TPD52L2: variants seen among roughly 807,000 people sequenced by gnomAD.
TPD52L2 encodes the protein tumor protein D54.
Under a neutral mutation model 24.7 loss-of-function variants are expected in TPD52L2, and 19 were observed. The observed-to-expected ratio is 0.77, with a 90% confidence interval of 0.54 to 1.13. The LOEUF (loss-of-function observed/expected upper bound fraction) is 1.13. Among genes scored for constraint, TPD52L2 ranks in the 50% most tolerant of loss-of-function variants. The probability of loss-of-function intolerance (pLI) is 0.00; values close to 1 mark genes in which losing one functional copy is unlikely to be tolerated. For missense variants in TPD52L2, 236 were observed against 250.4 expected, an observed-to-expected ratio of 0.94 and a Z score of 0.39; for synonymous variants, 104 against 100.2, an observed-to-expected ratio of 1.04 and a Z score of -0.23.
intron 4 of TPD52L2, 100 bp downstream of exon 4, chr20:63,875,975 TG>T: frequency 8.5e-7 from 1 of 1,179,642 alleles, no homozygotes; most frequent in Non-Finnish European, 1.2e-6. Context: ...AAGCTTGTTT[TG>T]GTATTTGCTG....
chr20:63,874,144 C>CG, intron 3 of TPD52L2, among the ~76,000 whole-genome samples: 1 of 150,828 alleles, frequency 6.6e-6, no homozygotes, highest in Non-Finnish European at 1.5e-5. Flanking sequence ...CTCTGCCCCC[C>CG]GGGTTCAAGC....
At position 63,890,098 on chromosome 20, in the gene TPD52L2, G is replaced by A. The variant is rs1008895669; in HGVS notation, c.*153G>A. The A allele has an allele frequency of 4.0e-5, 59 of 1,479,700 alleles. No homozygotes were observed. The highest frequency in any genetic ancestry group is 1.3e-4 in the African/African-American group (9 of 71,710). 91.7% of individuals were successfully genotyped at this position (1,479,700 alleles called of 1,614,324 possible). ...ATCCACGCGGAGATGTGGCTGCCGCGTTTGCATGAATTTGAAGAACACAGG... is the reference window on the plus strand; with the variant it reads ...ATCCACGCGGAGATGTGGCTGCCGCATTTGCATGAATTTGAAGAACACAGG... On this transcript the variant is annotated 3_prime_UTR_variant, in exon 7 of 7. Transcript: ENST00000346249.
intron 6 of TPD52L2, 112 bp from the exon 7 acceptor site, chr20:63,889,738 C>T (rs2053263511): frequency 1.0e-6 from 1 of 1,000,882 alleles, no homozygotes; most frequent in African/African-American, 1.6e-5. Context: ...CCCTGCTGAG[C>T]AGTGTTCGTG....
chr20:63,886,207 C>A (rs1047327667), intron 5 of TPD52L2, among the ~76,000 whole-genome samples: 1 of 152,180 alleles, frequency 6.6e-6, no homozygotes, highest in African/African-American at 2.4e-5. Context: ...TCTCAGGGAA[C>A]AAAGCAGCAG....
At chr20:63,882,005 G>T (rs891010729) in intron 4 of TPD52L2, among the ~76,000 whole-genome samples, 6 of 152,196 alleles carry the variant, frequency 3.9e-5, no homozygotes, top group African/African-American at 1.4e-4. Flanking sequence ...GACACTGGAG[G>T]GAGCTGGAGG....
At chr20:63,869,068 G>A (rs1257691799) in intron 1 of TPD52L2, among the ~76,000 whole-genome samples, 13 of 152,178 alleles carry the variant, frequency 8.5e-5, no homozygotes, top group African/African-American at 2.2e-4. Context: ...GGCATTTGTC[G>A]TGCCCTGAAG....
intron 5 of TPD52L2, among the ~76,000 whole-genome samples, chr20:63,886,591 C>T (rs1600838036): frequency 6.6e-6 from 1 of 151,738 alleles, no homozygotes; most frequent in Non-Finnish European, 1.5e-5. Flanking sequence ...CCTCGTGATC[C>T]GCCCGCCTCG....
At chr20:63,871,638 GTTTT>G (rs71333723) in intron 2 of TPD52L2, among the ~76,000 whole-genome samples, 1 of 132,984 alleles carries the variant, frequency 7.5e-6, no homozygotes, top group Non-Finnish European at 1.6e-5. Flanking sequence ...GCAAGAAAGA[GTTTT>G]TTTTTTTTTT....
In TPD52L2 at chr20:63,889,871, G is replaced by C; in HGVS notation, c.547G>C (p.Glu183Gln). 2 of 1,614,214 alleles carry C rather than the reference G, an allele frequency of 1.2e-6. No individual in the cohort carries two copies. The highest frequency in any genetic ancestry group is 1.6e-4 in the Middle Eastern group (1 of 6,062). The change falls in exon 7 of 7, where the codon GAG becomes CAG. Residue 183 changes from glutamate to glutamine, a missense_variant. Physicochemically the swap from Glu to Gln is conservative, Grantham distance 29. Transcript: ENST00000346249. Reference sequence around the variant, plus strand: ...GTAGTCTAAGGTTGTGGGTGACAGAGAGAACGGCAGTGACAACCTCCCTTC... The same window carrying C: ...GTAGTCTAAGGTTGTGGGTGACAGACAGAACGGCAGTGACAACCTCCCTTC... ...TIKSKVVGDRENGSDNLPSSA... is the reference protein window; with the variant it reads ...TIKSKVVGDRQNGSDNLPSSA...
intron 2 of TPD52L2, among the ~76,000 whole-genome samples, chr20:63,873,452 G>C (rs913829641): frequency 8.6e-5 from 13 of 150,670 alleles, no homozygotes; most frequent in African/African-American, 3.2e-4. Flanking sequence ...TCGTGCCATT[G>C]CACTCCAGCC....
At chr20:63,875,141 C>CAAAAA (rs869224477) in intron 3 of TPD52L2, among the ~76,000 whole-genome samples, 1 of 131,844 alleles carries the variant, frequency 7.6e-6, no homozygotes, top group Admixed American at 7.7e-5. Flanking sequence ...GACTCTGTCT[C>CAAAAA]AAAAAAAAAA....
intron 1 of TPD52L2, 114 bp downstream of exon 1, chr20:63,865,498 C>G: frequency 7.3e-7 from 1 of 1,365,160 alleles, no homozygotes; most frequent in Non-Finnish European, 9.7e-7. Flanking sequence ...TTCACCCACC[C>G]CGCGGCCCCT....
chr20:63,869,057 C>T (rs200800470), intron 1 of TPD52L2, among the ~76,000 whole-genome samples: 23 of 152,282 alleles, frequency 1.5e-4, no homozygotes, highest in African/African-American at 5.3e-4. Context: ...TGCCTTGGGC[C>T]GGCATTTGTC....
chr20:63,870,578 C>G (rs1191136509), intron 2 of TPD52L2, among the ~76,000 whole-genome samples: 3 of 127,050 alleles, frequency 2.4e-5, no homozygotes, highest in African/African-American at 9.3e-5. Flanking sequence ...GGCTGGAGTG[C>G]AGTGGCGCAA....
In TPD52L2 at chr20:63,890,174, TG is replaced by T. The variant is rs2053279476; in HGVS notation, c.*230del. 4 of 1,015,892 alleles carry T rather than the reference TG, an allele frequency of 3.9e-6. No homozygotes were observed. The South Asian group carries it at 5.0e-5, about 13-fold the overall frequency. 62.9% of individuals were successfully genotyped at this position (1,015,892 alleles called of 1,614,324 possible). On this transcript the variant is annotated 3_prime_UTR_variant, in exon 7 of 7. Transcript: ENST00000346249. Reference sequence around the variant, plus strand: ...CGTTTGTAGATGAAACAGATCACTGTGCTGTCCTTCCTAGGGGTGCAGGAAG... The same window carrying T: ...CGTTTGTAGATGAAACAGATCACTGTCTGTCCTTCCTAGGGGTGCAGGAAG...
intron 5 of TPD52L2, among the ~76,000 whole-genome samples, chr20:63,883,373 T>C (rs1414535142): frequency 6.6e-6 from 1 of 152,182 alleles, no homozygotes; most frequent in African/African-American, 2.4e-5. Flanking sequence ...CGGCGCTTTG[T>C]GGCTGGCATG....
At chr20:63,889,463 C>T (rs553624034) in intron 6 of TPD52L2, among the ~76,000 whole-genome samples, 9 of 152,106 alleles carry the variant, frequency 5.9e-5, no homozygotes, top group South Asian at 2.1e-4. Context: ...GGACACAGAA[C>T]GCCTCCACAC....
chr20:63,865,593 C>T (rs1484604740), intron 1 of TPD52L2, among the ~76,000 whole-genome samples: 4 of 152,234 alleles, frequency 2.6e-5, no homozygotes, highest in Non-Finnish European at 4.4e-5. Flanking sequence ...TTCCTGGGCT[C>T]TCTCCAGCCG....
intron 3 of TPD52L2, among the ~76,000 whole-genome samples, chr20:63,875,148 AAAAAAT>A (rs1359236755): frequency 1.4e-5 from 2 of 145,074 alleles, no homozygotes; most frequent in African/African-American, 5.0e-5. Context: ...TCTCAAAAAA[AAAAAAT>A]ATATATATAT....
Sources: gnomAD v4.1 joint callset for allele counts (sites outside exome capture counted in the v4.1 genomes callset) on GRCh38, gnomAD v4.1.1 for gene constraint, MANE v1.5 for transcripts, NCBI Gene and HGNC (gene_info 2026-07-23, HGNC 2026-07-21) for gene names.